Variants in SCAPER observed in about 807,000 individuals in gnomAD.
SCAPER encodes S phase cyclin A-associated protein in the endoplasmic reticulum.
A neutral mutation model predicts 182.2 loss-of-function variants in SCAPER; 98 were observed. The ratio of observed to expected loss-of-function variants is 0.54; its 90% CI spans 0.46 to 0.64. The LOEUF is 0.64. SCAPER is among the 30% of genes least tolerant of loss of function. SCAPER has a pLI of 0.00. For missense variants in SCAPER, 1,432 were observed against 1,690.0 expected (o/e 0.85, Z 2.68); for synonymous variants, 605 against 564.6 (o/e 1.07, Z -1.01).
chr15:76,387,027 G>A (rs765631147), intron 27 of SCAPER, among the ~76,000 whole-genome samples: 5 of 152,228 alleles, frequency 3.3e-5, no homozygotes, highest in Non-Finnish European at 5.9e-5. Flanking sequence ...TCATCCAAGT[G>A]AGAAATAATG....
In SCAPER at chr15:76,353,948, C is replaced by A; in HGVS notation, c.4047+1G>T. 2.6e-6 allele frequency: 4 copies of A among 1,559,248 alleles called. No individual in the cohort carries two copies. The highest frequency in any genetic ancestry group is 3.5e-6 in the Non-Finnish European group (4 of 1,158,722). ...ACAATTACGTATAATGTAGAAGGTACCTGAATGAAAGTGGCCAGTAAAACA... is the reference window on the plus strand; with the variant it reads ...ACAATTACGTATAATGTAGAAGGTAACTGAATGAAAGTGGCCAGTAAAACA... On this transcript the variant is annotated splice_donor_variant, in intron 30 of 31. Transcript: ENST00000563290. LOFTEE classifies it high-confidence loss of function.
intron 14 of SCAPER, among the ~76,000 whole-genome samples, chr15:76,760,271 C>A (rs1157401601): frequency 6.6e-6 from 1 of 152,174 alleles, no homozygotes; most frequent in East Asian, 1.9e-4. Context: ...GGGGTTCTCA[C>A]AACTGTCTCC....
chr15:76,661,038 G>A (rs1297074092), intron 21 of SCAPER, among the ~76,000 whole-genome samples: 1 of 152,058 alleles, frequency 6.6e-6, no homozygotes, highest in Non-Finnish European at 1.5e-5. Context: ...GAAGCTCTAA[G>A]GAAATGCAGA....
intron 15 of SCAPER, among the ~76,000 whole-genome samples, chr15:76,736,246 C>T (rs920483200): frequency 2.6e-5 from 4 of 152,170 alleles, no homozygotes; most frequent in Non-Finnish European, 2.9e-5. Flanking sequence ...AATGAACATT[C>T]GAGCCATTAG....
intron 23 of SCAPER, among the ~76,000 whole-genome samples, chr15:76,558,643 C>G (rs1427984008): frequency 6.6e-6 from 1 of 152,156 alleles, no homozygotes; most frequent in Non-Finnish European, 1.5e-5. Context: ...TTAGAACTAC[C>G]ATTTGACGCA....
intron 22 of SCAPER, among the ~76,000 whole-genome samples, chr15:76,589,581 C>T (rs942361439): frequency 1.3e-5 from 2 of 152,100 alleles, no homozygotes; most frequent in African/African-American, 4.8e-5. Flanking sequence ...TGGGCAAGCT[C>T]AGCTGAGAAC....
intron 1 of SCAPER, among the ~76,000 whole-genome samples, chr15:76,901,256 G>A (rs2074764175): frequency 6.6e-6 from 1 of 152,050 alleles, no homozygotes; most frequent in African/African-American, 2.4e-5. Context: ...AATTTGAAGA[G>A]CAATATAGAC....
chr15:76,783,574 C>T (rs562446623), intron 8 of SCAPER, among the ~76,000 whole-genome samples: 7 of 151,974 alleles, frequency 4.6e-5, no homozygotes, highest in African/African-American at 1.7e-4. Context: ...GACAGAGACA[C>T]AAAAACAAAA....
intron 15 of SCAPER, among the ~76,000 whole-genome samples, chr15:76,746,052 T>C (rs2061776666): frequency 6.6e-6 from 1 of 152,092 alleles, no homozygotes; most frequent in African/African-American, 2.4e-5. Flanking sequence ...ATATCTAAAT[T>C]CAATTAATGT....
chr15:76,580,006 G>A (rs1045753747), intron 22 of SCAPER, among the ~76,000 whole-genome samples: 2 of 152,092 alleles, frequency 1.3e-5, no homozygotes, highest in Non-Finnish European at 2.9e-5. Flanking sequence ...AAATATTGGA[G>A]CACACAGATA....
At chr15:76,579,969 TATA>T (rs1048052218) in intron 22 of SCAPER, among the ~76,000 whole-genome samples, 51 of 152,222 alleles carry the variant, frequency 3.4e-4, no homozygotes, top group African/African-American at 1.2e-3. Context: ...AGTAAAACAA[TATA>T]ATAATTATAA....
intron 5 of SCAPER, among the ~76,000 whole-genome samples, chr15:76,832,587 C>T (rs2068579180): frequency 6.6e-6 from 1 of 152,130 alleles, no homozygotes; most frequent in African/African-American, 2.4e-5. Context: ...GGTGTCTCCT[C>T]CCAAATCTCA....
At chr15:76,512,589 G>T (rs1377058112) in intron 23 of SCAPER, among the ~76,000 whole-genome samples, 2 of 151,986 alleles carry the variant, frequency 1.3e-5, no homozygotes, top group African/African-American at 2.4e-5. Flanking sequence ...GGTCAGCACT[G>T]CAGAAGTGGA....
chr15:76,852,943 C>A (rs930744886), intron 4 of SCAPER, among the ~76,000 whole-genome samples: 1 of 152,022 alleles, frequency 6.6e-6, no homozygotes, highest in African/African-American at 2.4e-5. Flanking sequence ...ACTAGCTGGA[C>A]TAATAAAGAA....
At chr15:76,497,996 A>T (rs1597040107) in intron 24 of SCAPER, among the ~76,000 whole-genome samples, 1 of 115,548 alleles carries the variant, frequency 8.7e-6, no homozygotes. Context: ...TCTCAAAAAA[A>T]AAAAAAAAAA....
intron 2 of SCAPER, among the ~76,000 whole-genome samples, chr15:76,883,312 T>C (rs945565007): frequency 2.6e-5 from 4 of 152,190 alleles, no homozygotes; most frequent in African/African-American, 9.7e-5. Context: ...TAAGAAGATG[T>C]TTGGAATTGC....
At chr15:76,648,337 T>C (rs978794718) in intron 21 of SCAPER, among the ~76,000 whole-genome samples, 2 of 151,706 alleles carry the variant, frequency 1.3e-5, no homozygotes, top group African/African-American at 4.8e-5. Flanking sequence ...AAAGATCACA[T>C]AGGACACAGA....
In SCAPER at chr15:76,582,354, A is replaced by G. The variant is rs377457819; in HGVS notation, c.2712-8070T>C. On this transcript the variant is annotated intron_variant, in intron 22 of 31. Transcript: ENST00000563290. ...AGTCAAGAAACTAATCATATTTACA[A>G]TAGCTTCAAATAAAATGAAATACCT... Among the ~76,000 whole-genome samples, 12 of 152,334 alleles carry G rather than the reference A, an allele frequency of 7.9e-5. No homozygotes were observed. In the South Asian group the frequency reaches 2.1e-3, roughly 26 times the overall value.
chr15:76,477,773 C>A (rs754798618), intron 24 of SCAPER, among the ~76,000 whole-genome samples: 3 of 151,896 alleles, frequency 2.0e-5, no homozygotes, highest in Non-Finnish European at 4.4e-5. Flanking sequence ...GTTTATTTGC[C>A]ATGTCTATTT....
Sources: gnomAD v4.1 joint callset for allele counts (sites outside exome capture counted in the v4.1 genomes callset) on GRCh38, gnomAD v4.1.1 for gene constraint, MANE v1.5 for transcripts, NCBI Gene and HGNC (gene_info 2026-07-23, HGNC 2026-07-21) for gene names.